The following OPRM1 variants were observed in gnomAD, a reference collection of about 807,000 sequenced individuals.
The protein encoded by OPRM1 is opioid receptor mu 1.
In OPRM1, 27 loss-of-function variants were observed where a neutral mutation model predicts 31.8. The observed-to-expected ratio is 0.85, with a 90% CI of 0.63 to 1.17. OPRM1 has a LOEUF of 1.17. OPRM1 is among the 50% of genes most tolerant of loss of function. OPRM1 has a pLI of 0.00. For missense variants in OPRM1, 536 were observed against 511.1 expected (o/e 1.05, Z -0.47); for synonymous variants, 196 against 189.9 (o/e 1.03, Z -0.26).
chr6:154,055,383 G>A (rs753198686), intron 1 of OPRM1, among the ~76,000 whole-genome samples: 8 of 150,936 alleles, frequency 5.3e-5, no homozygotes, highest in African/African-American at 1.5e-4. Flanking sequence ...GTGAAACATC[G>A]TCTGAAAAAA....
intron 1 of OPRM1, among the ~76,000 whole-genome samples, chr6:154,031,726 G>A (rs1231339547): frequency 2.0e-5 from 3 of 152,164 alleles, no homozygotes; most frequent in Admixed American, 2.0e-4. Context: ...GGGTGACAGA[G>A]TGAGACTCCG....
chr6:154,147,403 A>G (rs55723328), intron 3 of OPRM1, among the ~76,000 whole-genome samples: 10,857 of 152,188 alleles, frequency 0.071, 1,123 homozygotes, highest in African/African-American at 0.23. Flanking sequence ...TCGGTGATAC[A>G]TTATCTCCCT....
rs150194014 is a variant in OPRM1, at chr6:154,015,843, G to T, written c.-1+4825G>T. On this transcript the variant is annotated intron_variant, in intron 1 of 5. Transcript: ENST00000434900. ...AAGAGATCTCACAAGAAAGCAAATG[G>T]CTCTTAACTCTGAGAGATGGTCAAC... Among the ~76,000 whole-genome samples the T allele has an allele frequency of 2.9e-3, 441 of 151,830 alleles. 3 individuals are homozygous for T. Among genetic ancestry groups the T allele is most frequent in the African/African-American group, 9.9e-3 (411 of 41,432 alleles).
chr6:154,010,543 G>T (rs1407159964), exon 1 of OPRM1: 9 of 1,546,810 alleles, frequency 5.8e-6, no homozygotes, highest in Non-Finnish European at 7.9e-6. Context: ...CAGCACCAAA[G>T]CTGGGAAGCC....
chr6:154,095,474 A>T (rs1278356333), intron 3 of OPRM1, among the ~76,000 whole-genome samples: 1 of 152,232 alleles, frequency 6.6e-6, no homozygotes, highest in African/African-American at 2.4e-5. Context: ...TCTTACCGTC[A>T]GTAATGGGAA....
intron 3 of OPRM1, among the ~76,000 whole-genome samples, chr6:154,179,064 A>T (rs1800607671): frequency 6.6e-6 from 1 of 152,192 alleles, no homozygotes; most frequent in Admixed American, 6.5e-5. Flanking sequence ...GGGACATTAC[A>T]TTGTTTTTAT....
intron 3 of OPRM1, among the ~76,000 whole-genome samples, chr6:154,181,378 C>T (rs979814059): frequency 1.3e-5 from 2 of 152,116 alleles, no homozygotes; most frequent in African/African-American, 2.4e-5. Flanking sequence ...TCTTTTAACA[C>T]TTCTATGAGA....
chr6:154,104,309 C>A (rs1795281313), intron 3 of OPRM1, among the ~76,000 whole-genome samples: 1 of 152,136 alleles, frequency 6.6e-6, no homozygotes, highest in Non-Finnish European at 1.5e-5. Flanking sequence ...TGTATTCCTA[C>A]ACAAAGAATA....
chr6:154,142,049 G>T (rs1335607740), intron 3 of OPRM1, among the ~76,000 whole-genome samples: 1 of 152,142 alleles, frequency 6.6e-6, no homozygotes, highest in East Asian at 1.9e-4. Context: ...TCAAGCATTT[G>T]AAAGTTGGAA....
In OPRM1 at chr6:154,126,979, C is replaced by T. The variant is rs2128530455; in HGVS notation, c.*8258C>T. ...ACAAAATTAGGAAGGCGTGGTGGTG[C>T]ACGCCTGTAATCCCAGCTAGTCGGG... On this transcript the variant is annotated 3_prime_UTR_variant, in exon 4 of 4. Transcript: ENST00000330432. Among the ~76,000 whole-genome samples, 1 of 152,166 alleles carries T rather than the reference C, an allele frequency of 6.6e-6. No homozygotes were observed. The highest frequency in any genetic ancestry group is 3.4e-3 in the Middle Eastern group (1 of 294).
intron 3 of OPRM1, among the ~76,000 whole-genome samples, chr6:154,142,819 G>A (rs940372456): frequency 1.3e-5 from 2 of 152,108 alleles, no homozygotes; most frequent in African/African-American, 4.8e-5. Flanking sequence ...CCACTAGCTC[G>A]GATACCTTCC....
chr6:154,064,377 T>C (rs978699239), intron 1 of OPRM1, among the ~76,000 whole-genome samples: 2 of 152,188 alleles, frequency 1.3e-5, no homozygotes, highest in Non-Finnish European at 2.9e-5. Flanking sequence ...TCTCTATATG[T>C]TCTGGATATT....
chr6:154,108,125 A>G, intron 3 of OPRM1: 1 of 585,616 alleles, frequency 1.7e-6, no homozygotes, highest in East Asian at 2.9e-5. Context: ...GGCTTGCGGC[A>G]CCATCGCCTA....
intron 3 of OPRM1, among the ~76,000 whole-genome samples, chr6:154,220,156 C>T (rs1778749251): frequency 6.6e-6 from 1 of 152,142 alleles, no homozygotes; most frequent in African/African-American, 2.4e-5. Context: ...TAAGCGTAAG[C>T]TCTGTGAATG....
chr6:154,107,510 C>A (rs746805094), intron 3 of OPRM1: 1 of 718,586 alleles, frequency 1.4e-6, no homozygotes, highest in South Asian at 1.5e-5. Context: ...AAAGCCTTGG[C>A]CACTGAGCTA....
intron 3 of OPRM1, among the ~76,000 whole-genome samples, chr6:154,189,141 T>A (rs1265523507): frequency 6.6e-6 from 1 of 152,100 alleles, no homozygotes; most frequent in South Asian, 2.1e-4. Flanking sequence ...AAAACACCTA[T>A]AAAGGTATGG....
rs1797778393 is a variant in OPRM1, at chr6:154,129,698, T to A, written c.*10977T>A. On this transcript the variant is annotated 3_prime_UTR_variant, in exon 4 of 4. Transcript: ENST00000330432. ...CATATTTCTTTAGTTCAAGGTCTGATGAGCTCCCAGACTGTTGGGGATTGC... is the reference window on the plus strand; with the variant it reads ...CATATTTCTTTAGTTCAAGGTCTGAAGAGCTCCCAGACTGTTGGGGATTGC... Among the ~76,000 whole-genome samples the A allele has an allele frequency of 6.6e-6, 1 of 152,228 alleles. No individual in the cohort carries two copies. The highest frequency in any genetic ancestry group is 1.5e-5 in the Non-Finnish European group (1 of 68,030).
intron 1 of OPRM1, among the ~76,000 whole-genome samples, chr6:154,055,581 T>A (rs1783110599): frequency 6.6e-6 from 1 of 152,180 alleles, no homozygotes; most frequent in Non-Finnish European, 1.5e-5. Context: ...CTTTCTAGAC[T>A]CCTAAGTTCT....
At chr6:154,034,186 C>T (rs930016294), upstream of OPRM1, among the ~76,000 whole-genome samples, 22 of 152,198 alleles carry the variant, frequency 1.4e-4, no homozygotes, top group African/African-American at 5.3e-4. Flanking sequence ...AAGAAAAGCG[C>T]ATGTTGCCTG....
Sources: gnomAD v4.1 joint callset for allele counts (sites outside exome capture counted in the v4.1 genomes callset) on GRCh38, gnomAD v4.1.1 for gene constraint, MANE v1.5 for transcripts, NCBI Gene and HGNC (gene_info 2026-07-23, HGNC 2026-07-21) for gene names.